Variants in COL5A3 observed in about 807,000 individuals in gnomAD.
The protein encoded by COL5A3 is collagen alpha-3(V) chain.
Under a neutral mutation model 250.0 loss-of-function variants are expected in COL5A3, and 172 were observed. That is an observed-to-expected ratio of 0.69 (90% confidence interval 0.61 to 0.78). COL5A3 has a LOEUF of 0.78. Among genes scored for constraint, COL5A3 ranks in the 30% least tolerant of loss-of-function variants. COL5A3 has a pLI of 0.00. For missense variants in COL5A3, 2,340 were observed against 2,334.4 expected (o/e 1.00, Z -0.05); for synonymous variants, 937 against 900.4 (o/e 1.04, Z -0.73).
rs747273112 is a variant in COL5A3 at position 9,960,444 on chromosome 19, C to T, written c.5205G>A (p.Gly1735=). The T allele has an allele frequency of 6.8e-6, 11 of 1,614,222 alleles. No homozygotes were observed. The highest frequency in any genetic ancestry group is 4.4e-5 in the South Asian group (4 of 91,086). ...TDFGQTNQKF[G]FELGPVCFSS is the part of the protein sequence containing the mutation. ...TGAAGCAGACGGGGCCCAGTTCAAACCCAAACTTTTGGTTCGTCTGGCCAA... is the reference window on the plus strand; with the variant it reads ...TGAAGCAGACGGGGCCCAGTTCAAATCCAAACTTTTGGTTCGTCTGGCCAA... Residue 1735 remains glycine, a synonymous_variant, in exon 67 of 67, where the codon GGG becomes GGA. Coordinates refer to ENST00000264828, the MANE Select transcript of COL5A3 (RefSeq NM_015719.4).
intron 8 of COL5A3, 140 bp downstream of exon 8, chr19:10,001,384 T>C: frequency 2.6e-6 from 2 of 770,064 alleles, no homozygotes; most frequent in Non-Finnish European, 4.0e-6. Context: ...TGACCTCAAA[T>C]GATCTGCCCA....
intron 31 of COL5A3, among the ~76,000 whole-genome samples, chr19:9,982,461 A>G (rs1454068206): frequency 6.6e-6 from 1 of 152,176 alleles, no homozygotes; most frequent in Non-Finnish European, 1.5e-5. Flanking sequence ...ACATTGCCCA[A>G]GTCACCCTCT....
At chr19:9,978,096 T>A (rs1242335017) in intron 41 of COL5A3, among the ~76,000 whole-genome samples, 4 of 151,300 alleles carry the variant, frequency 2.6e-5, no homozygotes, top group African/African-American at 9.7e-5. Context: ...CATGAGCAAC[T>A]ACACCTGGCC....
chr19:10,000,352 C>T (rs2087341484), intron 8 of COL5A3, among the ~76,000 whole-genome samples: 1 of 152,020 alleles, frequency 6.6e-6, no homozygotes, highest in African/African-American at 2.4e-5. Context: ...GCGTCCCTCC[C>T]ATCTTCCTCC....
rs1363794646 is a variant in COL5A3 at position 9,996,469 on chromosome 19, C to A, written c.1386G>T (p.Gln462His). 1 of 1,614,098 alleles carries A rather than the reference C, an allele frequency of 6.2e-7. No individual in the cohort carries two copies. Among genetic ancestry groups the A allele is most frequent in the Admixed American group, 1.7e-5 (1 of 60,012 alleles). The part of the protein sequence containing the change: ...GSFKGPPVSF[Q>H]QAQAQAVLQQ... ...GCAGAACTGCCTGAGCCTGGGCCTG[C>A]TGGAATGAGACTGGGGGGCCTTTAA... The change falls in exon 13 of 67, where the codon CAG (glutamine) becomes CAT (histidine). Residue 462 changes from glutamine to histidine, a missense_variant. By Grantham distance (24) the Gln-to-His change is conservative. Around this residue, in one of 3 missense-constraint regions of COL5A3, gnomAD observed 1,152 missense variants for 1,146.3 expected, o/e 1.00. Transcript: ENST00000264828.
chr19:9,995,116 C>T (rs1042533046), intron 16 of COL5A3, among the ~76,000 whole-genome samples: 10 of 152,062 alleles, frequency 6.6e-5, no homozygotes, highest in Admixed American at 6.6e-4. Context: ...CCATGTTGGC[C>T]AGGTTGATCT....
intron 16 of COL5A3, among the ~76,000 whole-genome samples, chr19:9,994,622 G>C (rs1284793274): frequency 8.6e-6 from 1 of 116,100 alleles, no homozygotes; most frequent in African/African-American, 3.1e-5. Context: ...ACATGTCACT[G>C]AACAACAGGG....
chr19:9,997,867 G>A (rs1244335525), intron 10 of COL5A3, 117 bp downstream of exon 10: 2 of 1,077,090 alleles, frequency 1.9e-6, no homozygotes, highest in Non-Finnish European at 2.8e-6. Context: ...AGCCTCAAAT[G>A]TCCACTACCC....
intron 53 of COL5A3, 73 bp from the exon 54 acceptor site, chr19:9,970,748 G>A: frequency 8.0e-7 from 1 of 1,249,402 alleles, no homozygotes; most frequent in Non-Finnish European, 1.1e-6. Flanking sequence ...GGACGCCTTG[G>A]ACCAGAGGAC....
In COL5A3 at chr19:9,968,314, C is replaced by T. The variant is rs2086782601; in HGVS notation, c.4314+71G>A. On this transcript the variant is annotated intron_variant, in intron 59 of 66. Transcript: ENST00000264828. The surrounding 1 kb of genome is among the most constrained non-coding windows in gnomAD (Gnocchi z 4.1). ...TAATCCAGACCCACGTTTCCCAGAC[C>T]CCACACCCACAGTCTCTCAACCGAC... is the stretch of plus-strand genomic sequence containing the variant. 7.6e-7 allele frequency: 1 copy of T among 1,309,230 alleles called. No homozygotes were observed. 81.1% of individuals were successfully genotyped at this position (1,309,230 alleles called of 1,614,324 possible). A position where few individuals can be genotyped will look rare whatever the true frequency, so the allele number is the denominator to read the frequency against.
Position 9,979,935 on chromosome 19 carries a change from C to A in COL5A3, c.2659-43G>T, listed in dbSNP as rs1482582223. The A allele has an allele frequency of 3.8e-6, 6 of 1,574,194 alleles. No individual in the cohort carries two copies. The African/African-American group carries it at 8.3e-5, about 22-fold the overall frequency. On this transcript the variant is annotated intron_variant, in intron 36 of 66. Transcript: ENST00000264828. ...AAAAAGTTGGGGCACAGATACAGGG[C>A]TTCCTCCCTTCCCACATCCTCCACC...
intron 44 of COL5A3, 83 bp downstream of exon 44, chr19:9,977,146 C>A: frequency 7.4e-7 from 1 of 1,350,628 alleles, no homozygotes. Context: ...TCTCCTACCC[C>A]ATGGAGAATG....
rs748255122 is a variant in COL5A3, at chr19:9,992,859, G to A, written c.1816C>T (p.Pro606Ser). The A allele has an allele frequency of 6.2e-7, 1 of 1,614,164 alleles. No homozygotes were observed. The highest frequency in any genetic ancestry group is 8.5e-7 in the Non-Finnish European group (1 of 1,180,004). ...CCCGTGGGGCCAGGAGAGCCTCTGG[G>A]GCCAAGCAGTCCTCGTGGACCCTGC... ...GEPGPRGLLG[P>S]RGSPGPTGRP... The change falls in exon 21 of 67, where the codon CCC becomes TCC. Residue 606 changes from proline (P) to serine (S), a missense_variant. Physicochemically the swap from Pro to Ser is moderately conservative, Grantham distance 74. This residue lies in a region of COL5A3 where 1,152 missense variants were observed against 1,146.3 expected (regional missense o/e 1.00). Coordinates refer to ENST00000264828, the MANE Select transcript of COL5A3 (RefSeq NM_015719.4).
intron 54 of COL5A3, among the ~76,000 whole-genome samples, chr19:9,970,243 T>A (rs145529364): frequency 7.4e-5 from 1 of 13,526 alleles, no homozygotes; most frequent in Non-Finnish European, 1.3e-4. Flanking sequence ...GTGAGTGGGG[T>A]CTTTGGGGTG....
Position 10,005,598 on chromosome 19 carries a change from G to A in COL5A3, c.554C>T (p.Thr185Ile). 6.2e-7 allele frequency: 1 copy of A among 1,614,114 alleles called. No individual in the cohort carries two copies. The highest frequency in any genetic ancestry group is 8.5e-7 in the Non-Finnish European group (1 of 1,179,986). The change falls in exon 4 of 67, where the codon ACT (threonine) becomes ATT (isoleucine). Residue 185 changes from threonine to isoleucine, a missense_variant. By Grantham distance (89) the Thr-to-Ile change is moderately conservative. Coordinates refer to ENST00000264828, the MANE Select transcript of COL5A3 (RefSeq NM_015719.4). ...GPRFISIAGL[T>I]VLGTQDLGEK... ...CCCAAGGTCCTGGGTCCCCAGCACA[G>A]TGAGTCCAGCTATGCTGATGAAGCG...
Position 9,980,875 on chromosome 19 carries a change from A to G in COL5A3, c.2506-16T>C, listed in dbSNP as rs766900017. 28 of 1,601,018 alleles carry G rather than the reference A, an allele frequency of 1.7e-5. No homozygotes were observed. The highest frequency in any genetic ancestry group is 2.4e-5 in the Non-Finnish European group (28 of 1,174,184). On this transcript the variant is annotated splice_polypyrimidine_tract_variant and intron_variant, in intron 33 of 66. Transcript: ENST00000264828. Reference sequence around the variant, plus strand: ...CACGGGAACCCTGAACAAAAAAAAAAGGCAAAGATCAGATATGAGGGGGTG... The same window carrying G: ...CACGGGAACCCTGAACAAAAAAAAAGGGCAAAGATCAGATATGAGGGGGTG...
At chr19:9,996,568 ATCAGGACTCCAC>A in intron 12 of COL5A3, 35 bp downstream of exon 12, 1 of 1,612,364 alleles carries the variant, frequency 6.2e-7, no homozygotes, top group South Asian at 1.1e-5. Context: ...CCCCTCCTGG[ATCAGGACTCCAC>A]TCCCCAAGGC....
Position 9,960,086 on chromosome 19 carries a change from T to G in COL5A3, c.*325A>C. 4 of 294,436 alleles carry G rather than the reference T, an allele frequency of 1.4e-5. No individual in the cohort carries two copies. The highest frequency in any genetic ancestry group is 4.9e-5 in the South Asian group (1 of 20,510). The allele number at this position is 294,436 out of a possible 1,614,324, so 18.2% of individuals were successfully genotyped here. A position where few individuals can be genotyped will look rare whatever the true frequency, so the allele number is the denominator to read the frequency against. On this transcript the variant is annotated 3_prime_UTR_variant, in exon 67 of 67. Transcript: ENST00000264828. ...GGCAGGCATTGGGGGTGGGGGGGCT[T>G]TTGTTCATCAGCTCTGAGTTAGAAG...
In COL5A3 at chr19:9,978,975, T is replaced by C. The variant is rs755408559; in HGVS notation, c.2880A>G (p.Glu960=). 1 of 1,540,300 alleles carries C rather than the reference T, an allele frequency of 6.5e-7. No homozygotes were observed. Among genetic ancestry groups the C allele is most frequent in the Non-Finnish European group, 8.7e-7 (1 of 1,147,350 alleles). ...TCCCAAGGGGTCCTGGTGGTCCCAG[T>C]TCCCCCTACAGGAGTGCAAAGGAGG... The part of the protein sequence containing the change: ...GLEGREGAKG[E]LGPPGPLGKE... The change falls in exon 40 of 67, where the codon GAA becomes GAG. Residue 960 remains glutamate (E), a synonymous_variant. Coordinates refer to ENST00000264828, the MANE Select transcript of COL5A3 (RefSeq NM_015719.4).
Sources: gnomAD v4.1 joint callset for allele counts (sites outside exome capture counted in the v4.1 genomes callset) on GRCh38, gnomAD v4.1.1 for gene constraint, gnomAD v4.1.1 regional missense constraint, Gnocchi (gnomAD v3.1) non-coding constraint, MANE v1.5 for transcripts, NCBI Gene and HGNC (gene_info 2026-07-23, HGNC 2026-07-21) for gene names.